Variants in ST6GALNAC3 observed in about 807,000 individuals in gnomAD.
The protein encoded by ST6GALNAC3 is ST6 N-acetylgalactosaminide alpha-2,6-sialyltransferase 3, also known as alpha-N-acetylgalactosaminide alpha-2,6-sialyltransferase 3.
In ST6GALNAC3, 25 loss-of-function variants were observed where a neutral mutation model predicts 32.7. The ratio of observed to expected loss-of-function variants is 0.76; its 90% CI spans 0.56 to 1.07. The LOEUF (loss-of-function observed/expected upper bound fraction) is 1.07, where lower values mean the gene tolerates loss of function less well. Among genes scored for constraint, ST6GALNAC3 ranks in the 50% least tolerant of loss-of-function variants. The pLI, the probability that ST6GALNAC3 is intolerant of heterozygous loss-of-function variation, is 0.00. For missense variants in ST6GALNAC3, 355 were observed against 382.4 expected (o/e 0.93, Z 0.60); for synonymous variants, 129 against 133.1 (o/e 0.97, Z 0.21).
intron 2 of ST6GALNAC3, among the ~76,000 whole-genome samples, chr1:76,361,367 A>G (rs556549741): frequency 6.6e-6 from 1 of 152,166 alleles, no homozygotes; most frequent in African/African-American, 2.4e-5. Flanking sequence ...ATTTTATATA[A>G]TGTTCTTAAG....
At chr1:76,102,429 A>G (rs1286034833) in intron 1 of ST6GALNAC3, among the ~76,000 whole-genome samples, 1 of 151,980 alleles carries the variant, frequency 6.6e-6, no homozygotes, top group African/African-American at 2.4e-5. Context: ...GAAATTTATT[A>G]TTTTATTAAT....
chr1:76,095,697 T>C (rs1006014864), intron 1 of ST6GALNAC3, among the ~76,000 whole-genome samples: 1 of 152,194 alleles, frequency 6.6e-6, no homozygotes, highest in African/African-American at 2.4e-5. Flanking sequence ...ATTATTTTCA[T>C]TCCTGAAAAG....
intron 3 of ST6GALNAC3, among the ~76,000 whole-genome samples, chr1:76,567,231 G>A (rs188943747): frequency 2.6e-5 from 4 of 152,102 alleles, no homozygotes; most frequent in East Asian, 1.9e-4. Context: ...GATGTTGCAC[G>A]GTATCATAAT....
At chr1:76,180,852 A>G (rs1180824698) in intron 1 of ST6GALNAC3, among the ~76,000 whole-genome samples, 1 of 152,152 alleles carries the variant, frequency 6.6e-6, no homozygotes, top group Non-Finnish European at 1.5e-5. Flanking sequence ...CACATGCACC[A>G]TCCTTCAAGT....
chr1:76,258,898 C>T (rs1202863378), intron 1 of ST6GALNAC3, among the ~76,000 whole-genome samples: 3 of 152,282 alleles, frequency 2.0e-5, no homozygotes, highest in East Asian at 3.9e-4. Context: ...TTTGAATGTA[C>T]TTGTGACTGT....
chr1:76,352,704 A>C (rs1002570343), intron 2 of ST6GALNAC3, among the ~76,000 whole-genome samples: 2 of 151,956 alleles, frequency 1.3e-5, no homozygotes, highest in Non-Finnish European at 2.9e-5. Context: ...TACCTGCTTG[A>C]TATTTCCATG....
At position 76,628,606 on chromosome 1, in the gene ST6GALNAC3, T is replaced by G; in HGVS notation, c.732-14T>G. On this transcript the variant is annotated splice_polypyrimidine_tract_variant and intron_variant, in intron 4 of 4. Transcript: ENST00000328299. Reference sequence around the variant, plus strand: ...CTCAATCTTTCTCTCCTTTTCTTTTTTTTTCTTTTCTAGGACAGAAGGGTA... The same window carrying G: ...CTCAATCTTTCTCTCCTTTTCTTTTGTTTTCTTTTCTAGGACAGAAGGGTA... 1 of 1,563,444 alleles carries G rather than the reference T, an allele frequency of 6.4e-7. No individual in the cohort carries two copies.
chr1:76,367,036 A>T lies in ST6GALNAC3; in HGVS notation c.214-44972A>T, dbSNP rs536768168. ...GTGGGGCTGCAAAATCTGGACAAAG[A>T]AAGGCAGAACAAGACATAGACTACA... On this transcript the variant is annotated intron_variant, in intron 2 of 4. Transcript: ENST00000328299. Among the ~76,000 whole-genome samples the T allele has an allele frequency of 1.8e-4, 28 of 152,316 alleles. No individual in the cohort carries two copies. In the South Asian group the frequency reaches 5.8e-3, roughly 32 times the overall value.
intron 1 of ST6GALNAC3, among the ~76,000 whole-genome samples, chr1:76,130,796 A>G (rs1246680323): frequency 6.6e-6 from 1 of 152,232 alleles, no homozygotes; most frequent in East Asian, 1.9e-4. Flanking sequence ...CAGCAGCTTC[A>G]GGCAGCTTGT....
At chr1:76,278,756 T>C (rs987678452) in intron 1 of ST6GALNAC3, among the ~76,000 whole-genome samples, 1 of 152,114 alleles carries the variant, frequency 6.6e-6, no homozygotes, top group Non-Finnish European at 1.5e-5. Context: ...AAGTTAGGTG[T>C]TATTTGTCCT....
rs80326420 is a variant in ST6GALNAC3 at position 76,349,299 on chromosome 1, T to C, written c.213+35300T>C. 3.1e-3 allele frequency among the ~76,000 whole-genome samples: 475 copies of C among 152,262 alleles called. 3 individuals are homozygous for C. The highest frequency in any genetic ancestry group is 0.011 in the African/African-American group (438 of 41,570). On this transcript the variant is annotated intron_variant, in intron 2 of 4. Transcript: ENST00000328299. The stretch of plus-strand genomic sequence containing the variant: ...ACTGTTGAACACCAGACTTGTTGTC[T>C]AGGGGAATAAATTGGCGTGGAGGAG...
At chr1:76,209,094 C>T (rs1004037837) in intron 1 of ST6GALNAC3, among the ~76,000 whole-genome samples, 3 of 152,096 alleles carry the variant, frequency 2.0e-5, no homozygotes, top group South Asian at 2.1e-4. Flanking sequence ...TTTGGTCCTG[C>T]GTATTTTCAA....
intron 1 of ST6GALNAC3, among the ~76,000 whole-genome samples, chr1:76,210,827 ACCTCTGCCTCCCAGG>A (rs1159979166): frequency 6.6e-6 from 1 of 152,038 alleles, no homozygotes; most frequent in African/African-American, 2.4e-5. Context: ...GCTCACTGCA[ACCTCTGCCTCCCAGG>A]TTCAAGCAAT....
intron 1 of ST6GALNAC3, among the ~76,000 whole-genome samples, chr1:76,220,742 A>C (rs954721025): frequency 1.3e-5 from 2 of 152,166 alleles, no homozygotes; most frequent in African/African-American, 4.8e-5. Context: ...TGGACTAGGG[A>C]ATAGCTCATG....
At chr1:76,524,603 A>G (rs1459274243) in intron 3 of ST6GALNAC3, among the ~76,000 whole-genome samples, 1 of 152,080 alleles carries the variant, frequency 6.6e-6, no homozygotes, top group African/African-American at 2.4e-5. Flanking sequence ...AGATAACTGC[A>G]TGAAGTTCAG....
Position 76,627,507 on chromosome 1 carries a change from G to A in ST6GALNAC3, c.679G>A (p.Asp227Asn), listed in dbSNP as rs774480574. Residue 227 changes from aspartate to asparagine, a missense_variant, in exon 4 of 5, where the codon GAC becomes AAC. Asp to Asn is a conservative substitution (Grantham distance 23). Transcript: ENST00000328299. The stretch of plus-strand genomic sequence containing the variant: ...GTGGTTTACCTTCCTTCTGGCCATG[G>A]ACGCCTGTTATGGCATTCACGTCTA... ...TGWFTFLLAMDACYGIHVYGM... is the reference protein window; with the variant it reads ...TGWFTFLLAMNACYGIHVYGM... The A allele has an allele frequency of 6.2e-7, 1 of 1,612,690 alleles. No individual in the cohort carries two copies. The highest frequency in any genetic ancestry group is 8.5e-7 in the Non-Finnish European group (1 of 1,179,046).
intron 3 of ST6GALNAC3, among the ~76,000 whole-genome samples, chr1:76,613,716 C>A (rs1648091710): frequency 6.6e-6 from 1 of 152,242 alleles, no homozygotes; most frequent in Non-Finnish European, 1.5e-5. Flanking sequence ...CTCTCTTCTT[C>A]CTGCTCTGGC....
At chr1:76,359,987 A>G (rs2101047715) in intron 2 of ST6GALNAC3, among the ~76,000 whole-genome samples, 1 of 152,320 alleles carries the variant, frequency 6.6e-6, no homozygotes, top group South Asian at 2.1e-4. Flanking sequence ...CAGTTAAGCT[A>G]CACTTGGTTT....
intron 1 of ST6GALNAC3, among the ~76,000 whole-genome samples, chr1:76,276,903 A>C (rs1362888574): frequency 6.6e-6 from 1 of 152,188 alleles, no homozygotes; most frequent in African/African-American, 2.4e-5. Context: ...CATTTTGGCA[A>C]ATCAATTAGG....
Sources: gnomAD v4.1 joint callset for allele counts (sites outside exome capture counted in the v4.1 genomes callset) on GRCh38, gnomAD v4.1.1 for gene constraint, MANE v1.5 for transcripts, NCBI Gene and HGNC (gene_info 2026-07-23, HGNC 2026-07-21) for gene names.